The following PCDHGA3 variants were observed in gnomAD, a reference collection of about 807,000 sequenced individuals.
PCDHGA3 encodes the protein protocadherin gamma-A3.
Under a neutral mutation model 58.5 loss-of-function variants are expected in PCDHGA3, and 40 were observed. The ratio of observed to expected loss-of-function variants is 0.68; its 90% CI spans 0.53 to 0.89. The LOEUF is 0.89. Among genes scored for constraint, PCDHGA3 ranks in the 40% least tolerant of loss-of-function variants. PCDHGA3 has a pLI of 0.00. For missense variants in PCDHGA3, 1,223 were observed against 1,195.9 expected (o/e 1.02, Z -0.33); for synonymous variants, 530 against 525.7 (o/e 1.01, Z -0.11).
At chr5:141,475,815 C>T (rs2099373124) in intron 1 of PCDHGA3, 1 of 340,648 alleles carries the variant, frequency 2.9e-6, no homozygotes, top group Non-Finnish European at 5.3e-6. Flanking sequence ...AAGTGAAGTT[C>T]CTGGCGCTAG....
rs1399844519 is a variant in PCDHGA3 at position 141,477,484 on chromosome 5, A to G, written c.2425-17323A>G. 1.2e-6 allele frequency: 2 copies of G among 1,614,014 alleles called. No homozygotes were observed. The highest frequency in any genetic ancestry group is 1.7e-6 in the Non-Finnish European group (2 of 1,180,006). ...CCGACATCAATGACAACCCTCCACAATCTTCTCAATCTTCCTACGACGTTT... is the reference window on the plus strand; with the variant it reads ...CCGACATCAATGACAACCCTCCACAGTCTTCTCAATCTTCCTACGACGTTT... On this transcript the variant is annotated intron_variant, in intron 1 of 3. Coordinates refer to ENST00000253812, the MANE Select transcript of PCDHGA3 (RefSeq NM_018916.4). This position sits in a 1 kb window ranked among gnomAD's most constrained non-coding sequence, Gnocchi z 4.9.
At position 141,487,148 on chromosome 5, in the gene PCDHGA3, G is replaced by A; in HGVS notation, c.2425-7659G>A. ...TGGTAGTCCACCACTCTCTACCTCT[G>A]TTACTCTCTTAGTGTCCTTAGAGGA... On this transcript the variant is annotated intron_variant, in intron 1 of 3. Transcript: ENST00000253812. This position sits in a 1 kb window ranked among gnomAD's most constrained non-coding sequence, Gnocchi z 5.0. The A allele has an allele frequency of 6.2e-7, 1 of 1,614,042 alleles. No homozygotes were observed. The highest frequency in any genetic ancestry group is 8.5e-7 in the Non-Finnish European group (1 of 1,179,922).
Position 141,511,380 on chromosome 5 carries a change from C to G in PCDHGA3, c.*207C>G. The G allele has an allele frequency of 7.7e-6, 9 of 1,170,490 alleles. No individual in the cohort carries two copies. The highest frequency in any genetic ancestry group is 1.1e-5 in the Non-Finnish European group (9 of 854,564). 72.5% of individuals were successfully genotyped at this position (1,170,490 alleles called of 1,614,324 possible). A position where few individuals can be genotyped will look rare whatever the true frequency, so the allele number is the denominator to read the frequency against. On this transcript the variant is annotated 3_prime_UTR_variant, in exon 4 of 4. Transcript: ENST00000253812. ...GGGGTTGAATATGCAAAAGCAGTTC[C>G]GCTGGGAACCCCCATCCAATCAACT...
At chr5:141,478,862 C>T (rs1057119202) in intron 1 of PCDHGA3, 23 of 1,325,916 alleles carry the variant, frequency 1.7e-5, no homozygotes, top group Non-Finnish European at 2.2e-5. Flanking sequence ...AAGATCTCAG[C>T]GATCAGAGTT....
At position 141,491,201 on chromosome 5, in the gene PCDHGA3, C is replaced by T. The variant is rs752813291; in HGVS notation, c.2425-3606C>T. The T allele has an allele frequency of 3.7e-6, 6 of 1,614,226 alleles. No homozygotes were observed. The Admixed American group carries it at 5.0e-5, about 13-fold the overall frequency. On this transcript the variant is annotated intron_variant, in intron 1 of 3. Transcript: ENST00000253812. This position sits in a 1 kb window ranked among gnomAD's most constrained non-coding sequence, Gnocchi z 6.9. ...GTCCTGGTGAGGGACAATGGTGACCCTTCACTCTCCTCCACAGCCACAGTG... is the reference window on the plus strand; with the variant it reads ...GTCCTGGTGAGGGACAATGGTGACCTTTCACTCTCCTCCACAGCCACAGTG...
At chr5:141,426,898 C>T (rs1246109323) in intron 1 of PCDHGA3, 1 of 456,634 alleles carries the variant, frequency 2.2e-6, no homozygotes, top group African/African-American at 2.0e-5. Flanking sequence ...CAACAGAGCT[C>T]TCATCTCCTG....
At position 141,416,146 on chromosome 5, in the gene PCDHGA3, G is replaced by T. The variant is rs114133295; in HGVS notation, c.2424+69689G>T. 4.2e-3 allele frequency: 636 copies of T among 153,236 alleles called. 7 individuals carry two copies. Among genetic ancestry groups the T allele is most frequent in the South Asian group, 0.03 (145 of 4,832 alleles). 9.5% of individuals were successfully genotyped at this position (153,236 alleles called of 1,614,324 possible). Reference sequence around the variant, plus strand: ...TATATTTTTCAATCTATACTTTGTGGTGATAGTTGCAGTTGAATATACTAA... The same window carrying T: ...TATATTTTTCAATCTATACTTTGTGTTGATAGTTGCAGTTGAATATACTAA... On this transcript the variant is annotated intron_variant, in intron 1 of 3. Transcript: ENST00000253812.
intron 1 of PCDHGA3, chr5:141,370,382 C>T (rs1326664452): frequency 6.5e-7 from 1 of 1,532,830 alleles, no homozygotes; most frequent in Non-Finnish European, 8.8e-7. Flanking sequence ...AAGGCAAAGG[C>T]GCAGAGAGCG....
intron 1 of PCDHGA3, chr5:141,475,937 C>G (rs970582600): frequency 2.8e-5 from 19 of 676,764 alleles, no homozygotes; most frequent in African/African-American, 1.8e-4. Context: ...GGCCCCTGCC[C>G]GTCCCCTTTC....
intron 1 of PCDHGA3, among the ~76,000 whole-genome samples, chr5:141,381,392 A>G (rs887778756): frequency 6.6e-6 from 1 of 152,096 alleles, no homozygotes; most frequent in Non-Finnish European, 1.5e-5. Flanking sequence ...ATTTAGTTTT[A>G]CTCTATCAAC....
Position 141,477,588 on chromosome 5 carries a change from G to T in PCDHGA3, c.2425-17219G>T. 1 of 1,614,152 alleles carries T rather than the reference G, an allele frequency of 6.2e-7. No individual in the cohort carries two copies. The highest frequency in any genetic ancestry group is 8.5e-7 in the Non-Finnish European group (1 of 1,180,040). ...GACCCCGACGCCCCGCAGAATGCTCGGCTTTCTTTCTTTCTCTTGGAGCAA... is the reference window on the plus strand; with the variant it reads ...GACCCCGACGCCCCGCAGAATGCTCTGCTTTCTTTCTTTCTCTTGGAGCAA... On this transcript the variant is annotated intron_variant, in intron 1 of 3. Coordinates refer to ENST00000253812, the MANE Select transcript of PCDHGA3 (RefSeq NM_018916.4). This position sits in a 1 kb window ranked among gnomAD's most constrained non-coding sequence, Gnocchi z 4.9.
At chr5:141,466,095 C>T (rs1170423552) in intron 1 of PCDHGA3, among the ~76,000 whole-genome samples, 1 of 152,038 alleles carries the variant, frequency 6.6e-6, no homozygotes, top group African/African-American at 2.4e-5. Flanking sequence ...GCACTCCAGC[C>T]TGGGCAACAG....
intron 1 of PCDHGA3, chr5:141,396,285 A>G (rs996354546): frequency 1.3e-5 from 2 of 152,164 alleles, no homozygotes; most frequent in African/African-American, 4.8e-5. Context: ...ATGCCACTGC[A>G]CTCCAGCCTA....
intron 1 of PCDHGA3, chr5:141,414,354 T>C (rs1389145668): frequency 1.2e-6 from 2 of 1,613,800 alleles, no homozygotes; most frequent in Admixed American, 1.7e-5. Flanking sequence ...TTTTGGCGTA[T>C]CTACCATTTA....
At position 141,491,640 on chromosome 5, in the gene PCDHGA3, T is replaced by A; in HGVS notation, c.2425-3167T>A. 6.2e-7 allele frequency: 1 copy of A among 1,613,804 alleles called. No homozygotes were observed. Among genetic ancestry groups the A allele is most frequent in the South Asian group, 1.1e-5 (1 of 91,086 alleles). On this transcript the variant is annotated intron_variant, in intron 1 of 3. Coordinates refer to ENST00000253812, the MANE Select transcript of PCDHGA3 (RefSeq NM_018916.4). This position sits in a 1 kb window ranked among gnomAD's most constrained non-coding sequence, Gnocchi z 6.9. ...CCCTCAGCGTTCAGCAGCCCACAGC[T>A]CTGGCGCTGGAGCCTGACGCCATCC...
Position 141,486,558 on chromosome 5 carries a change from T to C in PCDHGA3, c.2425-8249T>C, listed in dbSNP as rs544575797. 1 of 1,614,034 alleles carries C rather than the reference T, an allele frequency of 6.2e-7. No homozygotes were observed. Among genetic ancestry groups the C allele is most frequent in the Non-Finnish European group, 8.5e-7 (1 of 1,180,012 alleles). ...TCTTTCTTTCAGAGGTCACATGAGG[T>C]GTTTGTTCCTGAGAACAATCGCCCA... On this transcript the variant is annotated intron_variant, in intron 1 of 3. Coordinates refer to ENST00000253812, the MANE Select transcript of PCDHGA3 (RefSeq NM_018916.4). This position sits in a 1 kb window ranked among gnomAD's most constrained non-coding sequence, Gnocchi z 5.0.
intron 1 of PCDHGA3, among the ~76,000 whole-genome samples, chr5:141,347,770 G>A (rs978694292): frequency 1.2e-4 from 18 of 150,374 alleles, no homozygotes; most frequent in Non-Finnish European, 2.4e-4. Context: ...TGGGGCAATA[G>A]AGAGAGACTC....
chr5:141,376,794 C>T, intron 1 of PCDHGA3: 1 of 353,104 alleles, frequency 2.8e-6, no homozygotes, highest in East Asian at 6.1e-5. Flanking sequence ...TCACGCCATT[C>T]TCCTGCCTCA....
At chr5:141,462,235 C>T (rs1389326284) in intron 1 of PCDHGA3, among the ~76,000 whole-genome samples, 1 of 152,206 alleles carries the variant, frequency 6.6e-6, no homozygotes, top group African/African-American at 2.4e-5. Flanking sequence ...GCAGGGATTA[C>T]AGGTATGAGC....
Sources: gnomAD v4.1 joint callset for allele counts (sites outside exome capture counted in the v4.1 genomes callset) on GRCh38, gnomAD v4.1.1 for gene constraint, Gnocchi (gnomAD v3.1) non-coding constraint, MANE v1.5 for transcripts, NCBI Gene and HGNC (gene_info 2026-07-23, HGNC 2026-07-21) for gene names.